RNMT: variants seen among roughly 807,000 people sequenced by gnomAD.
RNMT encodes the protein mRNA cap guanine-N(7) methyltransferase.
RNMT carries 27 observed loss-of-function variants against 56.0 expected under a neutral mutation model. The ratio of observed to expected loss-of-function variants is 0.48; its 90% CI spans 0.36 to 0.67. The LOEUF (loss-of-function observed/expected upper bound fraction) is 0.67, where lower values mean the gene tolerates loss of function less well. Ranked by LOEUF, RNMT falls within the 30% of genes least tolerant of loss-of-function variation. The pLI is 0.00. For synonymous variants in RNMT, 184 were observed against 176.2 expected, an observed-to-expected ratio of 1.04 and a Z score of -0.35; for missense variants, 519 against 552.1, an observed-to-expected ratio of 0.94 and a Z score of 0.60.
intron 1 of RNMT, among the ~76,000 whole-genome samples, chr18:13,729,736 T>C (rs2044034925): frequency 6.6e-6 from 1 of 152,324 alleles, no homozygotes; most frequent in Non-Finnish European, 1.5e-5. Context: ...TCTTATTCTT[T>C]TTCATTATCC....
intron 11 of RNMT, among the ~76,000 whole-genome samples, chr18:13,754,996 G>A (rs773189334): frequency 6.6e-6 from 1 of 152,222 alleles, no homozygotes; most frequent in Non-Finnish European, 1.5e-5. Context: ...TCAGCAGTGG[G>A]TGTTGAGGAA....
chr18:13,752,789 G>A (rs938791352), intron 10 of RNMT, among the ~76,000 whole-genome samples: 2 of 152,188 alleles, frequency 1.3e-5, no homozygotes, highest in South Asian at 2.1e-4. Context: ...TAATTTCTGC[G>A]TAAAAGTTTA....
chr18:13,740,824 T>C (rs9962008), intron 6 of RNMT, among the ~76,000 whole-genome samples: 9,074 of 152,304 alleles, frequency 0.06, 906 homozygotes, highest in African/African-American at 0.21. Flanking sequence ...AAATTAGCTG[T>C]TGCTTTTCGG....
Position 13,762,340 on chromosome 18 carries a change from C to A in RNMT, c.*2361C>A. 1.4e-6 allele frequency: 1 copy of A among 708,040 alleles called. No homozygotes were observed. Among genetic ancestry groups the A allele is most frequent in the Non-Finnish European group, 2.3e-6 (1 of 443,900 alleles). The allele number at this position is 708,040 out of a possible 1,614,324, so 43.9% of individuals were successfully genotyped here. ...AGTGGCTTGTGTTCAGGGAGAGGAG[C>A]TGGCAGTTTTTAACCACTTCTGTGG... On this transcript the variant is annotated 3_prime_UTR_variant, in exon 12 of 12. Coordinates refer to ENST00000383314, the MANE Select transcript of RNMT (RefSeq NM_003799.3).
At chr18:13,746,436 T>C in intron 9 of RNMT, 99 bp downstream of exon 9, 2 of 747,310 alleles carry the variant, frequency 2.7e-6, no homozygotes, top group Non-Finnish European at 4.8e-6. Flanking sequence ...AATAGTTATG[T>C]GTATTACGCT....
chr18:13,738,131 A>G (rs914991113), intron 5 of RNMT, among the ~76,000 whole-genome samples: 3 of 152,164 alleles, frequency 2.0e-5, no homozygotes, highest in Non-Finnish European at 4.4e-5. Context: ...AGTACTGCCC[A>G]AATTAGCAGT....
At chr18:13,742,407 A>G (rs2044265833) in intron 7 of RNMT, 81 bp from the exon 8 acceptor site, 2 of 1,311,798 alleles carry the variant, frequency 1.5e-6, no homozygotes, top group East Asian at 2.4e-5. Flanking sequence ...GTAGTTTTTC[A>G]CATGCATAAT....
rs886360297 is a variant in RNMT, at chr18:13,761,595, C to T, written c.*1616C>T. 6 of 992,632 alleles carry T rather than the reference C, an allele frequency of 6.0e-6. No homozygotes were observed. The highest frequency in any genetic ancestry group is 1.1e-4 in the East Asian group (1 of 8,920). 61.5% of individuals were successfully genotyped at this position (992,632 alleles called of 1,614,324 possible). A position where few individuals can be genotyped will look rare whatever the true frequency, so the allele number is the denominator to read the frequency against. The stretch of plus-strand genomic sequence containing the variant: ...TTGGGGGAGAGAAGAATCCTCCAAA[C>T]GATGGAGTAGCCAGTGGTAATACAA... On this transcript the variant is annotated 3_prime_UTR_variant, in exon 12 of 12. Coordinates refer to ENST00000383314, the MANE Select transcript of RNMT (RefSeq NM_003799.3).
At chr18:13,728,268 C>T (rs1183433470) in intron 1 of RNMT, among the ~76,000 whole-genome samples, 2 of 150,150 alleles carry the variant, frequency 1.3e-5, no homozygotes, top group African/African-American at 2.5e-5. Flanking sequence ...CAAGTGTTCC[C>T]CCTTTTCTGC....
At chr18:13,729,601 G>A (rs2044032923) in intron 1 of RNMT, among the ~76,000 whole-genome samples, 2 of 152,126 alleles carry the variant, frequency 1.3e-5, no homozygotes, top group South Asian at 4.1e-4. Context: ...CTCTGATTCA[G>A]TTCTATTTGG....
At chr18:13,728,353 T>G in intron 1 of RNMT, among the ~76,000 whole-genome samples, 1 of 110,572 alleles carries the variant, frequency 9.0e-6, no homozygotes, top group Non-Finnish European at 1.7e-5. Flanking sequence ...TGTGTGTGTG[T>G]GTGACGGAGC....
rs1462790882 is a variant in RNMT at position 13,762,848 on chromosome 18, C to G, written c.*2869C>G. On this transcript the variant is annotated 3_prime_UTR_variant, in exon 12 of 12. Transcript: ENST00000383314. ...TCATTTTGATTTGTATTCAAGTACT[C>G]TTCAAGTATCTTTGTAATGAAGGTT... is the stretch of plus-strand genomic sequence containing the variant. 2 of 306,262 alleles carry G rather than the reference C, an allele frequency of 6.5e-6. No homozygotes were observed. The highest frequency in any genetic ancestry group is 4.3e-5 in the African/African-American group (2 of 46,244). The allele number at this position is 306,262 out of a possible 1,614,324, so 19.0% of individuals were successfully genotyped here.
chr18:13,762,733 G>A lies in RNMT; in HGVS notation c.*2754G>A. On this transcript the variant is annotated 3_prime_UTR_variant, in exon 12 of 12. Transcript: ENST00000383314. ...GATCATAGAAAAGAAGACAAAGCTTGCTCAGCCATGAGATGGCCAGGTATC... is the reference window on the plus strand; with the variant it reads ...GATCATAGAAAAGAAGACAAAGCTTACTCAGCCATGAGATGGCCAGGTATC... 3.9e-6 allele frequency: 1 copy of A among 258,168 alleles called. No individual in the cohort carries two copies. The highest frequency in any genetic ancestry group is 7.7e-6 in the Non-Finnish European group (1 of 129,466). The allele number at this position is 258,168 out of a possible 1,614,324, so 16.0% of individuals were successfully genotyped here. A position where few individuals can be genotyped will look rare whatever the true frequency, so the allele number is the denominator to read the frequency against.
intron 4 of RNMT, 63 bp downstream of exon 4, chr18:13,734,662 CT>C: frequency 7.3e-7 from 1 of 1,370,156 alleles, no homozygotes; most frequent in Non-Finnish European, 9.8e-7. Context: ...CAAACCTTGA[CT>C]TTATAAAGCT....
chr18:13,742,420 G>A (rs2044266095), intron 7 of RNMT, 68 bp from the exon 8 acceptor site: 3 of 1,450,670 alleles, frequency 2.1e-6, no homozygotes, highest in Non-Finnish European at 2.9e-6. Flanking sequence ...TGCATAATCT[G>A]ATCAAAATAA....
intron 11 of RNMT, among the ~76,000 whole-genome samples, chr18:13,755,512 C>G (rs1313581708): frequency 1.3e-5 from 2 of 152,156 alleles, no homozygotes. Context: ...CCTAAGTGAT[C>G]TGTCATTTTA....
chr18:13,753,095 A>T (rs754868897), intron 10 of RNMT, among the ~76,000 whole-genome samples: 3 of 152,248 alleles, frequency 2.0e-5, no homozygotes, highest in Non-Finnish European at 2.9e-5. Flanking sequence ...TTGAAAAAAC[A>T]CAAAAATTGT....
At chr18:13,737,311 G>A (rs747438562) in intron 5 of RNMT, among the ~76,000 whole-genome samples, 176 bp downstream of exon 5, 52 of 152,104 alleles carry the variant, frequency 3.4e-4, no homozygotes, top group Non-Finnish European at 6.5e-4. Context: ...GAAGGCTGAG[G>A]TGGGTGGATC....
intron 5 of RNMT, among the ~76,000 whole-genome samples, chr18:13,738,414 A>G (rs2044199949): frequency 6.6e-6 from 1 of 152,194 alleles, no homozygotes; most frequent in Admixed American, 6.5e-5. Context: ...ATTTTGGTTG[A>G]TAAGTAGTTG....
Sources: gnomAD v4.1 joint callset for allele counts (sites outside exome capture counted in the v4.1 genomes callset) on GRCh38, gnomAD v4.1.1 for gene constraint, MANE v1.5 for transcripts, NCBI Gene and HGNC (gene_info 2026-07-23, HGNC 2026-07-21) for gene names.